The following PRH1 variants were observed in gnomAD, a reference collection of about 807,000 sequenced individuals.
PRH1 encodes the protein proline rich protein HaeIII subfamily 1.
Under a neutral mutation model 7.9 loss-of-function variants are expected in PRH1, and 7 were observed. The ratio of observed to expected loss-of-function variants is 0.89; its 90% CI spans 0.50 to 1.67. The LOEUF (loss-of-function observed/expected upper bound fraction) is 1.67. PRH1 is among the 40% of genes most tolerant of loss of function. PRH1 has a pLI of 0.00. For synonymous variants in PRH1, 45 were observed against 80.8 expected (o/e 0.56, Z 2.38); for missense variants, 109 against 223.6 (o/e 0.49, Z 3.27).
At chr12:11,143,423 C>G (rs1946764703) in intron 1 of PRH1, among the ~76,000 whole-genome samples, 1 of 151,998 alleles carries the variant, frequency 6.6e-6, no homozygotes, top group Non-Finnish European at 1.5e-5. Context: ...ATAACCTTCA[C>G]TAAAGAAAGA....
At chr12:10,997,121 A>G (rs10845280) in intron 1 of PRH1, 574,135 of 1,613,084 alleles carry the variant, frequency 0.36, 113,665 homozygotes, top group East Asian at 0.75. Context: ...TCGCATCTTA[A>G]AATTCCAAAA....
chr12:10,888,388 C>A (rs1949524656), upstream of PRH1, among the ~76,000 whole-genome samples: 1 of 152,196 alleles, frequency 6.6e-6, no homozygotes, highest in Non-Finnish European at 1.5e-5. Flanking sequence ...CCCATCTAGA[C>A]CTGGTTTGGC....
At chr12:11,106,736 G>A (rs1030646966) in intron 1 of PRH1, among the ~76,000 whole-genome samples, 4 of 151,686 alleles carry the variant, frequency 2.6e-5, no homozygotes, top group Admixed American at 1.3e-4. Flanking sequence ...GAAGATTGTG[G>A]AGTCAGACTG....
In PRH1 at chr12:11,167,439, C is replaced by T. The variant is rs140010232; in HGVS notation, n.39+3983G>A. Among the ~76,000 whole-genome samples the T allele has an allele frequency of 8.9e-4, 133 of 148,870 alleles. 1 individual carries two copies. In the East Asian group the frequency reaches 0.023, roughly 26 times the overall value. On this transcript the variant is annotated intron_variant and non_coding_transcript_variant, in intron 1 of 1. Coordinates refer to the PRH1 transcript ENST00000541175. ...AATTCATGTCTCCTATTTGGAAAGG[C>T]TTGTAATTTTTTTTTTTTTTTTTGA...
At chr12:11,079,503 C>T (rs868595286) in intron 1 of PRH1, among the ~76,000 whole-genome samples, 2 of 118,770 alleles carry the variant, frequency 1.7e-5, no homozygotes, top group Non-Finnish European at 2.0e-5. Flanking sequence ...TCCACCAAAT[C>T]TAGCTTAGAA....
chr12:10,911,413 A>G (rs1053265532), intron 2 of PRH1, among the ~76,000 whole-genome samples: 17 of 152,196 alleles, frequency 1.1e-4, no homozygotes, highest in African/African-American at 4.1e-4. Context: ...AATCAAAGAG[A>G]TGTAGTCTCT....
chr12:11,014,630 G>C (rs1364548554), intron 1 of PRH1, among the ~76,000 whole-genome samples: 1 of 152,144 alleles, frequency 6.6e-6, no homozygotes, highest in African/African-American at 2.4e-5. Context: ...CTGTTGTCAG[G>C]ACTGAGCCAA....
chr12:10,940,331 T>G (rs113849957), intron 2 of PRH1, among the ~76,000 whole-genome samples: 16 of 152,370 alleles, frequency 1.1e-4, no homozygotes, highest in African/African-American at 3.4e-4. Context: ...ATCTAGTTCA[T>G]GTTTAGTACT....
At chr12:11,001,126 A>G (rs1940571580) in intron 1 of PRH1, among the ~76,000 whole-genome samples, 1 of 151,942 alleles carries the variant, frequency 6.6e-6, no homozygotes. Context: ...AGTTGGAAGA[A>G]CCTGGAAATT....
chr12:11,020,773 A>C (rs1479996375), intron 1 of PRH1, among the ~76,000 whole-genome samples: 2 of 152,104 alleles, frequency 1.3e-5, no homozygotes, highest in Non-Finnish European at 2.9e-5. Context: ...GATAGAGAAT[A>C]TTTGAGTTTT....
rs111909177 is a variant in PRH1 at position 11,085,175 on chromosome 12, G to A, written n.124-37987C>T. On this transcript the variant is annotated intron_variant and non_coding_transcript_variant, in intron 1 of 4. Transcript: ENST00000541977. Reference sequence around the variant, plus strand: ...TATTTTTCTTCAAGTTTTAAATACTGTTTTGTTATGAACAAGTATAATTAT... The same window carrying A: ...TATTTTTCTTCAAGTTTTAAATACTATTTTGTTATGAACAAGTATAATTAT... Among the ~76,000 whole-genome samples, 2 of 111,250 alleles carry A rather than the reference G, an allele frequency of 1.8e-5. 1 individual carries two copies. Among genetic ancestry groups the A allele is most frequent in the African/African-American group, 6.1e-5 (2 of 32,992 alleles). 73.0% of individuals were successfully genotyped at this position (111,250 alleles called of 152,430 possible).
intron 1 of PRH1, among the ~76,000 whole-genome samples, chr12:11,154,197 A>G (rs1186567936): frequency 6.6e-6 from 1 of 152,220 alleles, no homozygotes; most frequent in Admixed American, 6.5e-5. Context: ...TTTTTTATCA[A>G]TAATTCTTTT....
chr12:10,891,030 T>C (rs1949565953), intron 2 of PRH1, among the ~76,000 whole-genome samples: 1 of 152,138 alleles, frequency 6.6e-6, no homozygotes, highest in Non-Finnish European at 1.5e-5. Flanking sequence ...CCTACTCTCC[T>C]TGAAGCTTTG....
intron 1 of PRH1, among the ~76,000 whole-genome samples, chr12:11,083,699 C>T (rs1184263294): frequency 6.6e-6 from 1 of 152,308 alleles, no homozygotes; most frequent in Non-Finnish European, 1.5e-5. Flanking sequence ...TTGTTTCCTC[C>T]ATCCCTACCA....
intron 1 of PRH1, among the ~76,000 whole-genome samples, chr12:11,132,051 G>C (rs1490926771): frequency 6.6e-6 from 1 of 151,826 alleles, no homozygotes; most frequent in Admixed American, 6.6e-5. Context: ...TCAGGTGTGG[G>C]GATGATTTAT....
intron 1 of PRH1, among the ~76,000 whole-genome samples, chr12:11,007,662 C>G (rs922648551): frequency 6.6e-6 from 1 of 152,066 alleles, no homozygotes; most frequent in African/African-American, 2.4e-5. Context: ...CTTTGATGAA[C>G]TGGAAATTAG....
chr12:10,885,075 C>T (rs1949470429), upstream of PRH1, among the ~76,000 whole-genome samples: 1 of 152,210 alleles, frequency 6.6e-6, no homozygotes, highest in Admixed American at 6.5e-5. Flanking sequence ...TCCACTTTCT[C>T]CAGAATATTC....
At chr12:10,885,668 C>T (rs3741844), upstream of PRH1, among the ~76,000 whole-genome samples, 76,360 of 152,056 alleles carry the variant, frequency 0.5, 21,471 homozygotes, top group East Asian at 0.73. Context: ...AAATTCCCTG[C>T]TCATCAATTC....
intron 1 of PRH1, among the ~76,000 whole-genome samples, chr12:11,036,136 A>G (rs1942425634): frequency 6.6e-6 from 1 of 152,114 alleles, no homozygotes; most frequent in South Asian, 2.1e-4. Context: ...CTCGTGATCC[A>G]CCCACCTCGG....
Sources: allele counts gnomAD v4.1 joint callset (sites outside exome capture counted in the v4.1 genomes callset), GRCh38; gene constraint gnomAD v4.1.1; transcripts MANE v1.5; gene names NCBI Gene and HGNC (gene_info 2026-07-23, HGNC 2026-07-21).